Variants in PARP8 observed in about 807,000 individuals in gnomAD.
The protein encoded by PARP8 is poly(ADP-ribose) polymerase family member 8.
Under a neutral mutation model 124.1 loss-of-function variants are expected in PARP8, and 51 were observed. The ratio of observed to expected loss-of-function variants is 0.41; its 90% confidence interval spans 0.33 to 0.52. The LOEUF is 0.52. PARP8 is among the 20% of genes least tolerant of loss of function. The pLI is 0.21. For missense variants in PARP8, 860 were observed against 1,018.9 expected (o/e 0.84, Z 2.12); for synonymous variants, 391 against 361.5 (o/e 1.08, Z -0.93).
intron 2 of PARP8, among the ~76,000 whole-genome samples, chr5:50,672,606 A>G (rs536315820): frequency 9.2e-5 from 14 of 152,280 alleles, no homozygotes; most frequent in African/African-American, 3.1e-4. Flanking sequence ...AATATTTAAG[A>G]TACTAGGGCG....
chr5:50,791,497 A>G (rs1741950828), intron 10 of PARP8, among the ~76,000 whole-genome samples: 1 of 152,180 alleles, frequency 6.6e-6, no homozygotes, highest in Non-Finnish European at 1.5e-5. Context: ...GAGATGAGAC[A>G]TGGAATATGT....
At chr5:50,792,081 G>A (rs1321754245) in intron 10 of PARP8, among the ~76,000 whole-genome samples, 6 of 152,186 alleles carry the variant, frequency 3.9e-5, no homozygotes, top group South Asian at 2.1e-4. Flanking sequence ...ATAGTTGGCC[G>A]TGATATCATC....
chr5:50,685,536 G>A (rs1561242599), intron 2 of PARP8, among the ~76,000 whole-genome samples: 1 of 152,124 alleles, frequency 6.6e-6, no homozygotes, highest in Non-Finnish European at 1.5e-5. Flanking sequence ...AGTAAACTTA[G>A]CAATTCCCAA....
chr5:50,670,415 A>G (rs550631015), intron 2 of PARP8, among the ~76,000 whole-genome samples: 1 of 152,402 alleles, frequency 6.6e-6, no homozygotes, highest in African/African-American at 2.4e-5. Context: ...CTTTCCAAGA[A>G]TGAGATACAT....
intron 2 of PARP8, among the ~76,000 whole-genome samples, chr5:50,672,955 A>G (rs202185498): frequency 7.2e-5 from 11 of 152,314 alleles, no homozygotes; most frequent in Admixed American, 3.3e-4. Context: ...AAATCTTGGC[A>G]TATACAGTTA....
At chr5:50,796,149 A>G (rs1561393837) in intron 12 of PARP8, among the ~76,000 whole-genome samples, 1 of 152,238 alleles carries the variant, frequency 6.6e-6, no homozygotes, top group Admixed American at 6.5e-5. Flanking sequence ...TAACATATTC[A>G]AAATAGTTGA....
intron 3 of PARP8, among the ~76,000 whole-genome samples, chr5:50,755,286 T>G (rs1405619724): frequency 6.6e-6 from 1 of 152,196 alleles, no homozygotes; most frequent in Admixed American, 6.5e-5. Flanking sequence ...ATTGCCTAGA[T>G]TTTCTTCTAG....
chr5:50,734,950 C>T (rs930701716), intron 2 of PARP8, among the ~76,000 whole-genome samples: 24 of 151,964 alleles, frequency 1.6e-4, no homozygotes, highest in Non-Finnish European at 2.9e-4. Context: ...AAATTCAAAT[C>T]ATAACAATTA....
Position 50,746,565 on chromosome 5 carries a change from A to G in PARP8, c.147-3586A>G, listed in dbSNP as rs568769486. 7.9e-5 allele frequency among the ~76,000 whole-genome samples: 12 copies of G among 152,262 alleles called. No homozygotes were observed. The South Asian group carries it at 2.5e-3, about 32-fold the overall frequency. On this transcript the variant is annotated intron_variant, in intron 2 of 25. Coordinates refer to ENST00000281631, the MANE Select transcript of PARP8 (RefSeq NM_024615.4). ...TATATAAAAAGTAAAAAAAAATACT[A>G]CTGTGCTTTAAAATGTTCAAGTTCC...
At chr5:50,787,760 C>G (rs1741428682) in intron 9 of PARP8, among the ~76,000 whole-genome samples, 1 of 151,386 alleles carries the variant, frequency 6.6e-6, no homozygotes, top group Non-Finnish European at 1.5e-5. Flanking sequence ...AATATAGTTA[C>G]TGATTTAAAG....
At chr5:50,686,392 T>G (rs1751864307) in intron 2 of PARP8, among the ~76,000 whole-genome samples, 1 of 152,232 alleles carries the variant, frequency 6.6e-6, no homozygotes, top group African/African-American at 2.4e-5. Flanking sequence ...TGTGACTTTG[T>G]AGGGTGTAGC....
At chr5:50,693,655 TAA>T (rs1429977728) in intron 2 of PARP8, among the ~76,000 whole-genome samples, 6 of 151,544 alleles carry the variant, frequency 4.0e-5, no homozygotes, top group African/African-American at 1.5e-4. Flanking sequence ...ATTATATAAT[TAA>T]GTCACAGAAA....
chr5:50,801,739 G>GT (rs916116974), intron 14 of PARP8, among the ~76,000 whole-genome samples: 1 of 152,082 alleles, frequency 6.6e-6, no homozygotes, highest in African/African-American at 2.4e-5. Flanking sequence ...GACTATTATT[G>GT]TTGAATTGTT....
chr5:50,816,804 A>G (rs574210231), intron 15 of PARP8, among the ~76,000 whole-genome samples: 1 of 152,248 alleles, frequency 6.6e-6, no homozygotes, highest in Admixed American at 6.5e-5. Context: ...TTACTAAAAT[A>G]TATCTGACTA....
chr5:50,751,096 C>A (rs1759205536), intron 3 of PARP8, among the ~76,000 whole-genome samples: 1 of 41,788 alleles, frequency 2.4e-5, no homozygotes, highest in Non-Finnish European at 7.4e-5. Context: ...ATGAGAAGTA[C>A]AGGACTTTAA....
intron 2 of PARP8, among the ~76,000 whole-genome samples, chr5:50,678,353 TCA>T (rs1453113747): frequency 6.6e-6 from 1 of 152,126 alleles, no homozygotes; most frequent in Non-Finnish European, 1.5e-5. Context: ...TGTGTGTCTG[TCA>T]CACACACATA....
intron 2 of PARP8, among the ~76,000 whole-genome samples, chr5:50,680,217 T>C (rs1751133009): frequency 6.6e-6 from 1 of 152,176 alleles, no homozygotes; most frequent in Admixed American, 6.6e-5. Flanking sequence ...CGGTGCCCTT[T>C]ATTCGTTTTT....
chr5:50,818,529 C>T (rs1166975653), intron 15 of PARP8, among the ~76,000 whole-genome samples: 1 of 152,116 alleles, frequency 6.6e-6, no homozygotes, highest in Non-Finnish European at 1.5e-5. Context: ...CATGCCCAGC[C>T]TCTCTTACAT....
At chr5:50,821,452 G>C in intron 16 of PARP8, 114 bp downstream of exon 16, 1 of 1,145,294 alleles carries the variant, frequency 8.7e-7, no homozygotes, top group East Asian at 2.4e-5. Flanking sequence ...ATCTCATCAA[G>C]CATATCCATG....
Sources: allele counts gnomAD v4.1 joint callset (sites outside exome capture counted in the v4.1 genomes callset), GRCh38; gene constraint gnomAD v4.1.1; transcripts MANE v1.5; gene names NCBI Gene and HGNC (gene_info 2026-07-23, HGNC 2026-07-21).